PACRG: variants seen among roughly 807,000 people sequenced by gnomAD.
PACRG encodes parkin coregulated gene protein.
PACRG carries 29 observed loss-of-function variants against 29.7 expected under a neutral mutation model. That is an observed-to-expected ratio of 0.98 (90% CI 0.73 to 1.33). The LOEUF is 1.33. PACRG is among the 40% of genes most tolerant of loss of function. The pLI is 0.00. For missense variants in PACRG, 279 were observed against 316.2 expected (o/e 0.88, Z 0.89); for synonymous variants, 116 against 118.7 (o/e 0.98, Z 0.15).
intron 2 of PACRG, among the ~76,000 whole-genome samples, chr6:162,984,679 A>G (rs1374421660): frequency 3.3e-5 from 5 of 151,216 alleles, no homozygotes. Flanking sequence ...GCCAACATCT[A>G]GTATTTTTTT....
chr6:163,261,454 A>G (rs1272886252), intron 4 of PACRG, among the ~76,000 whole-genome samples: 1 of 151,462 alleles, frequency 6.6e-6, no homozygotes, highest in African/African-American at 2.4e-5. Flanking sequence ...CTGTCCTGAG[A>G]TTTTCACTCT....
At chr6:162,732,608 A>T (rs916145580) in intron 1 of PACRG, among the ~76,000 whole-genome samples, 1 of 152,232 alleles carries the variant, frequency 6.6e-6, no homozygotes, top group African/African-American at 2.4e-5. Flanking sequence ...GACAAGTAAA[A>T]TAATTACAAT....
At chr6:162,947,636 A>G (rs1234509480) in intron 2 of PACRG, among the ~76,000 whole-genome samples, 1 of 79,680 alleles carries the variant, frequency 1.3e-5, no homozygotes, top group African/African-American at 5.0e-5. Flanking sequence ...ATATATATAT[A>G]TATATATATA....
intron 2 of PACRG, among the ~76,000 whole-genome samples, chr6:162,913,196 C>A (rs1294308286): frequency 6.6e-6 from 1 of 152,172 alleles, no homozygotes; most frequent in Non-Finnish European, 1.5e-5. Context: ...TGTATACACC[C>A]ATGAACCATC....
chr6:162,874,992 CACAT>C (rs1297414725), intron 2 of PACRG, among the ~76,000 whole-genome samples: 1 of 152,152 alleles, frequency 6.6e-6, no homozygotes, highest in Non-Finnish European at 1.5e-5. Flanking sequence ...TTCATACGCC[CACAT>C]ACATTCATAC....
chr6:163,305,939 G>T (rs985802123), intron 4 of PACRG, among the ~76,000 whole-genome samples: 1 of 152,166 alleles, frequency 6.6e-6, no homozygotes, highest in East Asian at 1.9e-4. Context: ...TCCTGCTCTC[G>T]CTGTGATGAC....
chr6:163,097,598 T>A (rs964409616), intron 4 of PACRG, among the ~76,000 whole-genome samples: 9 of 152,242 alleles, frequency 5.9e-5, no homozygotes, highest in African/African-American at 2.2e-4. Flanking sequence ...GGTTTTTATA[T>A]CTTTTAGGGA....
chr6:163,084,996 A>G (rs986466402), intron 3 of PACRG, among the ~76,000 whole-genome samples: 1 of 151,774 alleles, frequency 6.6e-6, no homozygotes, highest in Non-Finnish European at 1.5e-5. Flanking sequence ...GGCACACACT[A>G]AAAGAACAAC....
intron 2 of PACRG, among the ~76,000 whole-genome samples, chr6:162,825,971 A>T (rs1029137): frequency 6.6e-6 from 1 of 150,732 alleles, no homozygotes; most frequent in Non-Finnish European, 1.5e-5. Flanking sequence ...TTCTTCCCGT[A>T]TTTATAGTTT....
chr6:162,755,853 T>C (rs1399798490), intron 1 of PACRG, among the ~76,000 whole-genome samples: 2 of 152,348 alleles, frequency 1.3e-5, no homozygotes, highest in East Asian at 3.9e-4. Flanking sequence ...GTCTCAAACA[T>C]TTGTCACAAA....
chr6:163,116,078 A>T (rs73786974), intron 4 of PACRG, among the ~76,000 whole-genome samples: 3,657 of 152,302 alleles, frequency 0.024, 159 homozygotes, highest in African/African-American at 0.083. Flanking sequence ...ATTCTCACAC[A>T]GTTGTAAGGA....
intron 2 of PACRG, among the ~76,000 whole-genome samples, chr6:163,025,731 G>A (rs1807064587): frequency 1.3e-5 from 2 of 152,192 alleles, no homozygotes; most frequent in African/African-American, 2.4e-5. Flanking sequence ...GGTGCTGAGG[G>A]GCTGTGGTTC....
At chr6:162,801,595 A>T (rs2128341115) in intron 1 of PACRG, among the ~76,000 whole-genome samples, 1 of 152,312 alleles carries the variant, frequency 6.6e-6, no homozygotes, top group East Asian at 1.9e-4. Context: ...ATCATATTTA[A>T]ACTAGTCTCT....
chr6:163,168,286 A>G (rs1778912199), intron 4 of PACRG, among the ~76,000 whole-genome samples: 1 of 152,174 alleles, frequency 6.6e-6, no homozygotes, highest in African/African-American at 2.4e-5. Context: ...CCTGGCCAAC[A>G]TGGTGACACC....
intron 4 of PACRG, among the ~76,000 whole-genome samples, chr6:163,130,250 C>G (rs1251910465): frequency 2.6e-5 from 4 of 152,210 alleles, no homozygotes; most frequent in Non-Finnish European, 5.9e-5. Context: ...GTGGAGGATG[C>G]TGAACAATGT....
At chr6:163,080,355 C>T (rs1812968574) in intron 3 of PACRG, among the ~76,000 whole-genome samples, 1 of 152,138 alleles carries the variant, frequency 6.6e-6, no homozygotes, top group Admixed American at 6.5e-5. Flanking sequence ...GCAAGGAGCT[C>T]CAAAGACACG....
At chr6:163,013,461 T>TAG (rs1204268236) in intron 2 of PACRG, among the ~76,000 whole-genome samples, 2 of 150,794 alleles carry the variant, frequency 1.3e-5, no homozygotes, top group East Asian at 3.9e-4. Context: ...CTGATGAACT[T>TAG]AGAAGTAAAT....
intron 4 of PACRG, among the ~76,000 whole-genome samples, chr6:163,203,361 C>T (rs539595140): frequency 2.0e-5 from 3 of 152,182 alleles, no homozygotes; most frequent in Admixed American, 6.5e-5. Flanking sequence ...TGCAGTGAGC[C>T]GAGATTGCGC....
intron 1 of PACRG, among the ~76,000 whole-genome samples, chr6:162,731,399 T>A (rs1363944146): frequency 6.6e-6 from 1 of 152,208 alleles, no homozygotes; most frequent in Non-Finnish European, 1.5e-5. Flanking sequence ...ACAGACTTTT[T>A]TTTTTGAGTC....
Sources: allele counts gnomAD v4.1 joint callset (sites outside exome capture counted in the v4.1 genomes callset), GRCh38; gene constraint gnomAD v4.1.1; transcripts MANE v1.5; gene names NCBI Gene and HGNC (gene_info 2026-07-23, HGNC 2026-07-21).